GRM1: variants seen among roughly 807,000 people sequenced by gnomAD.
The protein encoded by GRM1 is glutamate metabotropic receptor 1.
In GRM1, 33 loss-of-function variants were observed where a neutral mutation model predicts 90.9. The observed-to-expected ratio is 0.36, with a 90% CI of 0.28 to 0.49. The LOEUF is 0.49. GRM1 is among the 20% of genes least tolerant of loss of function. GRM1 has a pLI of 0.99. For missense variants in GRM1, 1,190 were observed against 1,534.3 expected (o/e 0.78, Z 3.75); for synonymous variants, 700 against 613.2 (o/e 1.14, Z -2.09).
intron 7 of GRM1, among the ~76,000 whole-genome samples, chr6:146,408,912 A>C (rs974129547): frequency 3.3e-5 from 5 of 152,172 alleles, no homozygotes; most frequent in African/African-American, 1.2e-4. Flanking sequence ...CTAGTCCAGG[A>C]GCAAAAGTAT....
At chr6:146,245,539 A>G (rs572034437) in intron 2 of GRM1, among the ~76,000 whole-genome samples, 1 of 152,178 alleles carries the variant, frequency 6.6e-6, no homozygotes. Flanking sequence ...TTAAAAGTCA[A>G]GGACAGATGA....
At chr6:146,230,984 G>C (rs1041976022) in intron 2 of GRM1, among the ~76,000 whole-genome samples, 2 of 152,092 alleles carry the variant, frequency 1.3e-5, no homozygotes, top group Non-Finnish European at 2.9e-5. Flanking sequence ...AAAAAGATGA[G>C]TGGGTACCAA....
intron 3 of GRM1, among the ~76,000 whole-genome samples, chr6:146,314,991 T>C (rs1209389386): frequency 1.3e-5 from 2 of 152,202 alleles, no homozygotes; most frequent in Non-Finnish European, 2.9e-5. Flanking sequence ...TGTGCCCTAA[T>C]GACTGGGAGA....
intron 6 of GRM1, among the ~76,000 whole-genome samples, chr6:146,396,834 C>A (rs1776954892): frequency 6.6e-6 from 1 of 152,034 alleles, no homozygotes; most frequent in Admixed American, 6.6e-5. Context: ...CATTTCAAAA[C>A]CAAAGGTTAT....
At chr6:146,138,640 C>T (rs1776717729) in intron 1 of GRM1, among the ~76,000 whole-genome samples, 1 of 151,984 alleles carries the variant, frequency 6.6e-6, no homozygotes, top group Non-Finnish European at 1.5e-5. Flanking sequence ...TTTATTTCTT[C>T]TAGGTTGTCC....
intron 2 of GRM1, among the ~76,000 whole-genome samples, chr6:146,214,658 C>T (rs1030993102): frequency 6.6e-6 from 1 of 151,936 alleles, no homozygotes; most frequent in Non-Finnish European, 1.5e-5. Context: ...ATTTGTAGTA[C>T]AATGTGAAGA....
At chr6:146,335,427 T>C (rs1036948786) in intron 3 of GRM1, among the ~76,000 whole-genome samples, 3 of 152,200 alleles carry the variant, frequency 2.0e-5, no homozygotes, top group African/African-American at 7.2e-5. Context: ...GGAGGTTTCT[T>C]TGTGCTCTGA....
intron 2 of GRM1, among the ~76,000 whole-genome samples, chr6:146,263,403 C>T (rs947743642): frequency 1.3e-5 from 2 of 151,846 alleles, no homozygotes; most frequent in Non-Finnish European, 2.9e-5. Flanking sequence ...AAAGAATTAA[C>T]CAAACATAGT....
At chr6:146,157,269 T>G (rs1777555675) in intron 1 of GRM1, among the ~76,000 whole-genome samples, 2 of 152,280 alleles carry the variant, frequency 1.3e-5, no homozygotes, top group African/African-American at 4.8e-5. Flanking sequence ...AATAAAATGT[T>G]TCCAGGAGGG....
At chr6:146,355,053 G>A (rs1785536033) in intron 4 of GRM1, among the ~76,000 whole-genome samples, 1 of 152,088 alleles carries the variant, frequency 6.6e-6, no homozygotes, top group South Asian at 2.1e-4. Context: ...AAAAGTCTTT[G>A]GAAACTGATT....
At chr6:146,417,774 CTTTT>C (rs1218669874) in intron 7 of GRM1, among the ~76,000 whole-genome samples, 2 of 152,066 alleles carry the variant, frequency 1.3e-5, no homozygotes, top group Non-Finnish European at 1.5e-5. Context: ...ATTATTTCTT[CTTTT>C]CAAAACATCC....
intron 1 of GRM1, among the ~76,000 whole-genome samples, chr6:146,093,222 G>A (rs1429035647): frequency 1.3e-5 from 2 of 152,112 alleles, no homozygotes; most frequent in Non-Finnish European, 2.9e-5. Context: ...AAGCCTTGCT[G>A]TCACTAAATA....
Position 146,138,521 on chromosome 6 carries a change from C to T in GRM1, c.701-20827C>T, listed in dbSNP as rs574709570. Among the ~76,000 whole-genome samples the T allele has an allele frequency of 1.7e-4, 26 of 152,028 alleles. No homozygotes were observed. The South Asian group carries it at 2.3e-3, about 13-fold the overall frequency. ...CATCAGCTCCCAGGCTTTAGTTTTC[C>T]GGGAAACATTTTATTACAGTTTTGA... On this transcript the variant is annotated intron_variant, in intron 1 of 7. Coordinates refer to ENST00000282753, the MANE Select transcript of GRM1 (RefSeq NM_001278064.2).
At chr6:146,185,073 C>A (rs886891724) in intron 2 of GRM1, among the ~76,000 whole-genome samples, 2 of 152,180 alleles carry the variant, frequency 1.3e-5, no homozygotes, top group Admixed American at 6.5e-5. Flanking sequence ...AATACATTAA[C>A]CTCTTTAAAA....
At chr6:146,365,728 A>G (rs951740554) in intron 5 of GRM1, among the ~76,000 whole-genome samples, 1 of 152,114 alleles carries the variant, frequency 6.6e-6, no homozygotes, top group Admixed American at 6.5e-5. Flanking sequence ...CCCTCCCTCA[A>G]GATTTTACTT....
chr6:146,153,023 A>T (rs1777396179), intron 1 of GRM1, among the ~76,000 whole-genome samples: 1 of 152,208 alleles, frequency 6.6e-6, no homozygotes. Flanking sequence ...GGAAAGGCAG[A>T]GGGTGGGCTC....
chr6:146,227,844 G>A lies in GRM1; in HGVS notation c.950+68247G>A, dbSNP rs182370141. On this transcript the variant is annotated intron_variant, in intron 2 of 7. Coordinates refer to ENST00000282753, the MANE Select transcript of GRM1 (RefSeq NM_001278064.2). ...ACTGAAGTCATTGTGTAAATGAGTTGTGCACCACTATTTATTTATGAAGGT... is the reference window on the plus strand; with the variant it reads ...ACTGAAGTCATTGTGTAAATGAGTTATGCACCACTATTTATTTATGAAGGT... Among the ~76,000 whole-genome samples the A allele has an allele frequency of 7.9e-4, 120 of 152,276 alleles. 1 individual carries two copies. Among genetic ancestry groups the A allele is most frequent in the Admixed American group, 2.6e-3 (39 of 15,280 alleles).
At chr6:146,357,313 A>G (rs1281631363) in intron 4 of GRM1, among the ~76,000 whole-genome samples, 1 of 152,238 alleles carries the variant, frequency 6.6e-6, no homozygotes, top group Non-Finnish European at 1.5e-5. Context: ...TTTAATTTTT[A>G]GTGAATATGG....
intron 2 of GRM1, among the ~76,000 whole-genome samples, chr6:146,195,210 C>G (rs970733244): frequency 6.6e-6 from 1 of 152,008 alleles, no homozygotes; most frequent in Non-Finnish European, 1.5e-5. Context: ...GCTAAGAAAG[C>G]TTAAGAAATA....
Sources: allele counts gnomAD v4.1 joint callset (sites outside exome capture counted in the v4.1 genomes callset), GRCh38; gene constraint gnomAD v4.1.1; transcripts MANE v1.5; gene names NCBI Gene and HGNC (gene_info 2026-07-23, HGNC 2026-07-21).